The following APOOL variants were observed in gnomAD, a reference collection of about 807,000 sequenced individuals.
APOOL encodes the protein apolipoprotein O like, also known as MICOS complex subunit MIC27.
Under a neutral mutation model 23.1 loss-of-function variants are expected in APOOL, and 12 were observed. The observed-to-expected ratio is 0.52, with a 90% CI of 0.33 to 0.84. The LOEUF (loss-of-function observed/expected upper bound fraction) is 0.84. Ranked by LOEUF, APOOL falls within the 40% of genes least tolerant of loss-of-function variation. APOOL has a pLI of 0.02. For synonymous variants in APOOL, 77 were observed against 69.9 expected (o/e 1.10, Z -0.51); for missense variants, 212 against 199.6 (o/e 1.06, Z -0.37).
chrX:85,062,546 A>G (rs1029040531), intron 5 of APOOL, among the ~76,000 whole-genome samples: 1 of 111,833 alleles, frequency 8.9e-6, no homozygotes, highest in Non-Finnish European at 1.9e-5. Context: ...CTTTTTGTAT[A>G]AGGTGTAAGG....
intron 1 of APOOL, among the ~76,000 whole-genome samples, chrX:85,030,059 T>C (rs1216572009): frequency 8.9e-6 from 1 of 112,395 alleles, no homozygotes; most frequent in Non-Finnish European, 1.9e-5. Flanking sequence ...TGCACATGCA[T>C]GTTTATAGCA....
At chrX:85,042,336 A>G (rs987740363) in intron 1 of APOOL, among the ~76,000 whole-genome samples, 17 of 111,867 alleles carry the variant, frequency 1.5e-4, no homozygotes, top group South Asian at 3.8e-4. Flanking sequence ...CTATATGCCA[A>G]TAAGTTGGAA....
At chrX:85,081,388 C>A (rs1924094051) in intron 8 of APOOL, among the ~76,000 whole-genome samples, 1 of 111,479 alleles carries the variant, frequency 9.0e-6, no homozygotes, top group Admixed American at 9.6e-5. Context: ...GTTGGAAATT[C>A]TTTTCTTTAA....
chrX:85,085,179 A>G (rs964791210), intron 8 of APOOL, among the ~76,000 whole-genome samples: 4 of 112,108 alleles, frequency 3.6e-5, no homozygotes, highest in African/African-American at 6.5e-5. Context: ...GCGAGTGTGA[A>G]TATTTTGAGA....
intron 1 of APOOL, among the ~76,000 whole-genome samples, chrX:85,042,442 A>G (rs1922430723): frequency 1.8e-5 from 2 of 112,054 alleles, no homozygotes; most frequent in Non-Finnish European, 3.8e-5. Context: ...TAACAATGAG[A>G]TGGAAGATGT....
At chrX:85,055,745 C>T (rs890821936) in intron 4 of APOOL, 82 bp from the exon 5 acceptor site, 1 of 679,421 alleles carries the variant, frequency 1.5e-6, no homozygotes, top group African/African-American at 2.3e-5. Flanking sequence ...TAGCAAATCT[C>T]TTTAACCTTC....
chrX:85,070,890 A>T lies in APOOL; in HGVS notation c.487-3108A>T, dbSNP rs183743054. On this transcript the variant is annotated intron_variant, in intron 6 of 8. Coordinates refer to ENST00000373173, the MANE Select transcript of APOOL (RefSeq NM_198450.6). ...CTCCATGTTCATTGCAGCATTATTC[A>T]CAATAGTCAAGATTAGAAACAACCT... Among the ~76,000 whole-genome samples, 166 of 111,480 alleles carry T rather than the reference A, an allele frequency of 1.5e-3. 1 individual carries two copies. Among genetic ancestry groups the T allele is most frequent in the Admixed American group, 4.3e-3 (45 of 10,377 alleles).
chrX:85,071,910 C>T (rs1417547449), intron 6 of APOOL, among the ~76,000 whole-genome samples: 3 of 111,598 alleles, frequency 2.7e-5, no homozygotes, highest in African/African-American at 9.8e-5. Flanking sequence ...CTGGCTAACA[C>T]GGTGAAACCC....
At chrX:85,059,418 G>C (rs1358736894) in intron 5 of APOOL, among the ~76,000 whole-genome samples, 5 of 110,384 alleles carry the variant, frequency 4.5e-5, no homozygotes, top group Middle Eastern at 4.6e-3. Flanking sequence ...GGGTCAAATG[G>C]TATTTCTAGT....
chrX:85,073,006 A>G (rs1049375794), intron 6 of APOOL, among the ~76,000 whole-genome samples: 4 of 111,447 alleles, frequency 3.6e-5, no homozygotes, highest in Admixed American at 9.6e-5. Flanking sequence ...TTAATATTAC[A>G]TTTGTTTTAA....
At chrX:85,023,386 A>AACAGATCTTCAC (rs889333708) in intron 1 of APOOL, among the ~76,000 whole-genome samples, 10 of 111,966 alleles carry the variant, frequency 8.9e-5, no homozygotes, top group African/African-American at 3.2e-4. Context: ...TCACACTGAA[A>AACAGATCTTCAC]ACTTTAAAAC....
At chrX:85,033,001 A>T (rs748975064) in intron 1 of APOOL, among the ~76,000 whole-genome samples, 1 of 112,405 alleles carries the variant, frequency 8.9e-6, no homozygotes, top group African/African-American at 3.2e-5. Flanking sequence ...GAAGGTATAG[A>T]TAGTGGACCT....
At chrX:85,050,035 A>G (rs1402952225) in intron 2 of APOOL, among the ~76,000 whole-genome samples, 1 of 111,344 alleles carries the variant, frequency 9.0e-6, no homozygotes, top group Non-Finnish European at 1.9e-5. Context: ...TGCTTTTTAT[A>G]TATAAAACGC....
chrX:85,006,345 G>A (rs934411425), intron 1 of APOOL, among the ~76,000 whole-genome samples: 3 of 110,819 alleles, frequency 2.7e-5, no homozygotes, highest in Admixed American at 1.9e-4. Context: ...ATGGAAAAAC[G>A]GAGGCTTAGA....
At chrX:85,020,083 G>A (rs189562868) in intron 1 of APOOL, among the ~76,000 whole-genome samples, 2 of 111,766 alleles carry the variant, frequency 1.8e-5, no homozygotes, top group Admixed American at 1.9e-4. Flanking sequence ...CTATGGGTGG[G>A]GTGCTGAACA....
chrX:85,060,020 T>G (rs1187614063), intron 5 of APOOL, among the ~76,000 whole-genome samples: 15 of 109,893 alleles, frequency 1.4e-4, no homozygotes, highest in Non-Finnish European at 1.7e-4. Context: ...GGTCTAACAT[T>G]TAAGTCTTTA....
rs1924562868 is a variant in APOOL, at chrX:85,092,711, G to T, written c.*5033G>T. On this transcript the variant is annotated 3_prime_UTR_variant, in exon 9 of 9. Coordinates refer to ENST00000373173, the MANE Select transcript of APOOL (RefSeq NM_198450.6). ...TAGTTACCTTTTGAACTTTTCTATA[G>T]CTGTAAAAAGAAAAAAGTCTCACTG... 3.9e-6 allele frequency: 2 copies of T among 514,463 alleles called. No individual in the cohort carries two copies. The highest frequency in any genetic ancestry group is 5.9e-6 in the Non-Finnish European group (2 of 337,898). The allele number at this position is 514,463 out of a possible 1,213,427, so 42.4% of individuals were successfully genotyped here.
At chrX:85,044,501 G>A (rs1272771702) in intron 1 of APOOL, among the ~76,000 whole-genome samples, 1 of 110,182 alleles carries the variant, frequency 9.1e-6, no homozygotes, top group African/African-American at 3.3e-5. Flanking sequence ...GGCTGGTCTT[G>A]AACTCCTGAC....
At chrX:85,022,936 C>T (rs975066072) in intron 1 of APOOL, among the ~76,000 whole-genome samples, 40 of 111,446 alleles carry the variant, frequency 3.6e-4, no homozygotes, top group African/African-American at 1.3e-3. Context: ...TGGTGCAGTC[C>T]TTACTATAAT....
Sources: allele counts gnomAD v4.1 joint callset (sites outside exome capture counted in the v4.1 genomes callset), GRCh38; gene constraint gnomAD v4.1.1; transcripts MANE v1.5; gene names NCBI Gene and HGNC (gene_info 2026-07-23, HGNC 2026-07-21).